The following GNG4 variants were observed in gnomAD, a reference collection of about 807,000 sequenced individuals.
GNG4 encodes guanine nucleotide-binding protein G(I)/G(S)/G(O) subunit gamma-4.
A neutral mutation model predicts 5.8 loss-of-function variants in GNG4; 4 were observed. The ratio of observed to expected loss-of-function variants is 0.69; its 90% CI spans 0.34 to 1.57. GNG4 has a LOEUF of 1.57. Among genes scored for constraint, GNG4 ranks in the 40% most tolerant of loss-of-function variants. GNG4 has a pLI of 0.06. For missense variants in GNG4, 96 were observed against 95.1 expected (o/e 1.01, Z -0.04); for synonymous variants, 29 against 32.9 (o/e 0.88, Z 0.41).
At chr1:235,590,126 T>C (rs778518322) in intron 2 of GNG4, among the ~76,000 whole-genome samples, 23 of 152,282 alleles carry the variant, frequency 1.5e-4, no homozygotes, top group Middle Eastern at 3.4e-3. Context: ...ACATCAACAG[T>C]CTTCCCTCCC....
rs369899750 is a variant in GNG4 at position 235,592,617 on chromosome 1, T to C, written c.-11+2783A>G. Among the ~76,000 whole-genome samples, 217 of 152,284 alleles carry C rather than the reference T, an allele frequency of 1.4e-3. 7 individuals carry two copies. The South Asian group carries it at 0.043, about 30-fold the overall frequency. ...CCAACATTTTAAACAAAGCTTCTTT[T>C]CCTTAAGTGATTGCAAATCAGAAGA... On this transcript the variant is annotated intron_variant, in intron 2 of 3. Transcript: ENST00000391854.
intron 3 of GNG4, among the ~76,000 whole-genome samples, chr1:235,554,027 C>T (rs745524626): frequency 7.9e-5 from 12 of 152,074 alleles, no homozygotes; most frequent in Non-Finnish European, 1.6e-4. Context: ...TAGGAATTTC[C>T]CAGATGGGTG....
chr1:235,618,923 T>A (rs761851303), intron 1 of GNG4, among the ~76,000 whole-genome samples: 1 of 151,326 alleles, frequency 6.6e-6, no homozygotes, highest in Non-Finnish European at 1.5e-5. Context: ...CCCAAAGTGT[T>A]GGGATTATAG....
At chr1:235,612,032 C>T (rs1688487130) in intron 1 of GNG4, among the ~76,000 whole-genome samples, 1 of 127,128 alleles carries the variant, frequency 7.9e-6, no homozygotes, top group South Asian at 2.5e-4. Context: ...CCACTGCACT[C>T]CAGCCTGGGC....
At chr1:235,634,904 A>G (rs1455786221) in intron 1 of GNG4, among the ~76,000 whole-genome samples, 1 of 152,202 alleles carries the variant, frequency 6.6e-6, no homozygotes, top group Non-Finnish European at 1.5e-5. Context: ...ATTGCACTCC[A>G]GCCTGCGCGA....
intron 3 of GNG4, among the ~76,000 whole-genome samples, chr1:235,570,356 T>C (rs568838706): frequency 2.8e-4 from 43 of 151,812 alleles, no homozygotes; most frequent in African/African-American, 7.5e-4. Flanking sequence ...TTCCTTAGCT[T>C]TTCCACCTCC....
chr1:235,587,599 GAGGGCA>G (rs1687834298), intron 2 of GNG4, among the ~76,000 whole-genome samples: 3 of 1,110 alleles, frequency 2.7e-3, no homozygotes, highest in Non-Finnish European at 7.0e-3. Flanking sequence ...GTGAGTGTGG[GAGGGCA>G]TGGGGTGGGG....
chr1:235,579,862 A>AAAAAAAAAAAGAAAAT, intron 3 of GNG4, among the ~76,000 whole-genome samples: 1 of 108,556 alleles, frequency 9.2e-6, no homozygotes, highest in East Asian at 3.0e-4. Context: ...CAAAAAAAAA[A>AAAAAAAAAAAGAAAAT]AGGTAAAAAG....
Position 235,549,543 on chromosome 1 carries a change from T to G in GNG4, c.*2566A>C, listed in dbSNP as rs960786419. ...CTTCGCTTCATCGGGTTAATGATGT[T>G]GACGTGAAGCACAGAATAAAGAGAT... On this transcript the variant is annotated 3_prime_UTR_variant, in exon 4 of 4. Coordinates refer to ENST00000391854, the MANE Select transcript of GNG4 (RefSeq NM_001098722.2). 2 of 152,218 alleles carry G rather than the reference T, an allele frequency of 1.3e-5. No individual in the cohort carries two copies. Among genetic ancestry groups the G allele is most frequent in the Admixed American group, 1.3e-4 (2 of 15,268 alleles). The allele number at this position is 152,218 out of a possible 1,614,324, so 9.4% of individuals were successfully genotyped here.
intron 1 of GNG4, among the ~76,000 whole-genome samples, chr1:235,628,110 G>A (rs1688853939): frequency 6.6e-6 from 1 of 152,134 alleles, no homozygotes; most frequent in Non-Finnish European, 1.5e-5. Context: ...AACCCGGGAG[G>A]TGGAGGTTGC....
In GNG4 at chr1:235,568,116, C is replaced by T. The variant is rs898627637; in HGVS notation, c.99+15624G>A. 9.9e-5 allele frequency among the ~76,000 whole-genome samples: 15 copies of T among 151,960 alleles called. No individual in the cohort carries two copies. In the South Asian group the frequency reaches 2.5e-3, roughly 25 times the overall value. On this transcript the variant is annotated intron_variant, in intron 3 of 3. Coordinates refer to ENST00000391854, the MANE Select transcript of GNG4 (RefSeq NM_001098722.2). ...ACAGTCCCTTTTCTGCTGTGCTGCCCGTTGCTTCCTTGCAACATACTTTCC... is the reference window on the plus strand; with the variant it reads ...ACAGTCCCTTTTCTGCTGTGCTGCCTGTTGCTTCCTTGCAACATACTTTCC...
intron 1 of GNG4, among the ~76,000 whole-genome samples, chr1:235,619,960 A>G (rs16832743): frequency 0.057 from 8,628 of 152,302 alleles, 505 homozygotes; most frequent in African/African-American, 0.15. Flanking sequence ...ATAACCTTTA[A>G]CAAATTGAAA....
At chr1:235,643,760 G>A (rs1475461781) in intron 1 of GNG4, among the ~76,000 whole-genome samples, 1 of 152,190 alleles carries the variant, frequency 6.6e-6, no homozygotes, top group Non-Finnish European at 1.5e-5. Context: ...GATCAGCAGA[G>A]CCCTAGAATG....
intron 1 of GNG4, among the ~76,000 whole-genome samples, chr1:235,626,860 G>A (rs1688821416): frequency 6.6e-6 from 1 of 150,392 alleles, no homozygotes; most frequent in African/African-American, 2.4e-5. Flanking sequence ...TTGGGAGGCT[G>A]AGGCAGGAGA....
intron 3 of GNG4, among the ~76,000 whole-genome samples, chr1:235,574,285 C>T (rs958054466): frequency 4.2e-4 from 64 of 152,198 alleles, no homozygotes; most frequent in African/African-American, 1.4e-3. Context: ...GCAGGAGAAT[C>T]GCTTGAACCC....
intron 1 of GNG4, among the ~76,000 whole-genome samples, chr1:235,631,001 C>T (rs998137256): frequency 5.9e-4 from 89 of 152,002 alleles, no homozygotes; most frequent in African/African-American, 2.0e-3. Flanking sequence ...CAGGTTCAAG[C>T]GATTCTCCTG....
At chr1:235,554,761 C>T (rs1686852692) in intron 3 of GNG4, among the ~76,000 whole-genome samples, 1 of 148,706 alleles carries the variant, frequency 6.7e-6, no homozygotes. Context: ...AGGAGAATCG[C>T]TTGAACTCGG....
At position 235,649,092 on chromosome 1, in the gene GNG4, C is replaced by G. The variant is rs1489881666; in HGVS notation, c.-123+570G>C. 1.3e-5 allele frequency among the ~76,000 whole-genome samples: 2 copies of G among 152,256 alleles called. No individual in the cohort carries two copies. Among genetic ancestry groups the G allele is most frequent in the Middle Eastern group, 3.4e-3 (1 of 294 alleles). The stretch of plus-strand genomic sequence containing the variant: ...GTTCAGCACCAGCCTCGGGGACAGA[C>G]GCCATCAAGGAGGTGAGGAAAACCA... On this transcript the variant is annotated intron_variant, in intron 1 of 3. Transcript: ENST00000391854. The surrounding 1 kb of genome is among the most constrained non-coding windows in gnomAD (Gnocchi z 5.7).
chr1:235,569,708 C>CA (rs2102926385), intron 3 of GNG4, among the ~76,000 whole-genome samples: 1 of 151,972 alleles, frequency 6.6e-6, no homozygotes, highest in East Asian at 1.9e-4. Context: ...GCTGGGATTA[C>CA]AGGCGCCCAC....
Sources: allele counts gnomAD v4.1 joint callset (sites outside exome capture counted in the v4.1 genomes callset), GRCh38; gene constraint gnomAD v4.1.1; non-coding constraint Gnocchi (gnomAD v3.1); transcripts MANE v1.5; gene names NCBI Gene and HGNC (gene_info 2026-07-23, HGNC 2026-07-21).